The following TMEM260 variants were observed in gnomAD, a reference collection of about 807,000 sequenced individuals.
TMEM260 encodes transmembrane protein 260.
TMEM260 carries 82 observed loss-of-function variants against 88.9 expected under a neutral mutation model. The ratio of observed to expected loss-of-function variants is 0.92; its 90% confidence interval spans 0.77 to 1.11. The LOEUF is 1.11. Ranked by LOEUF, TMEM260 falls within the 50% of genes least tolerant of loss-of-function variation. The pLI, the probability that TMEM260 is intolerant of heterozygous loss-of-function variation, is 0.00. For missense variants in TMEM260, 902 were observed against 853.4 expected (o/e 1.06, Z -0.71); for synonymous variants, 314 against 309.3 (o/e 1.02, Z -0.16).
chr14:56,654,737 C>T (rs990648778), downstream of TMEM260, among the ~76,000 whole-genome samples: 2 of 146,388 alleles, frequency 1.4e-5, no homozygotes, highest in Non-Finnish European at 3.0e-5. Flanking sequence ...TCGCTTGAAC[C>T]CGGGAGGCAG....
downstream of TMEM260, among the ~76,000 whole-genome samples, chr14:56,653,375 A>G (rs1336660651): frequency 6.6e-6 from 1 of 152,066 alleles, no homozygotes; most frequent in Non-Finnish European, 1.5e-5. Flanking sequence ...GTGTAGAGTC[A>G]ATATAAAATA....
chr14:56,590,421 C>G (rs939603356), intron 3 of TMEM260, among the ~76,000 whole-genome samples: 2 of 152,186 alleles, frequency 1.3e-5, no homozygotes, highest in African/African-American at 4.8e-5. Flanking sequence ...GCTTTAAAAG[C>G]TAAGGCAATA....
At chr14:56,627,505 C>T (rs533856877) in intron 12 of TMEM260, among the ~76,000 whole-genome samples, 26 of 152,218 alleles carry the variant, frequency 1.7e-4, no homozygotes, top group African/African-American at 6.0e-4. Context: ...CTAATTTTAA[C>T]TATAATAAAA....
rs142432339 is a variant in TMEM260 at position 56,586,413 on chromosome 14, C to T, written c.344+501C>T. 2.2e-3 allele frequency among the ~76,000 whole-genome samples: 341 copies of T among 152,124 alleles called. 3 individuals carry two copies. Among genetic ancestry groups the T allele is most frequent in the African/African-American group, 7.8e-3 (325 of 41,522 alleles). Reference sequence around the variant, plus strand: ...GGTTTTAGTAAGGTTTCACTCTGCTCCGTTATGGCTGTAGTAAAGGTAGGC... The same window carrying T: ...GGTTTTAGTAAGGTTTCACTCTGCTTCGTTATGGCTGTAGTAAAGGTAGGC... On this transcript the variant is annotated intron_variant, in intron 3 of 15. Coordinates refer to ENST00000261556, the MANE Select transcript of TMEM260 (RefSeq NM_017799.4).
At chr14:56,609,678 A>G (rs77597221) in intron 6 of TMEM260, among the ~76,000 whole-genome samples, 2 of 152,052 alleles carry the variant, frequency 1.3e-5, no homozygotes, top group Admixed American at 1.3e-4. Context: ...ACCACTTCTT[A>G]TTATTATTTA....
At chr14:56,628,784 A>G (rs975265887) in intron 12 of TMEM260, among the ~76,000 whole-genome samples, 2 of 151,936 alleles carry the variant, frequency 1.3e-5, no homozygotes, top group Non-Finnish European at 2.9e-5. Flanking sequence ...ACTATCTCAG[A>G]TCTCTATTTT....
At chr14:56,608,972 G>C in intron 5 of TMEM260, 134 bp from the exon 6 acceptor site, 3 of 931,984 alleles carry the variant, frequency 3.2e-6, no homozygotes, top group Non-Finnish European at 4.9e-6. Context: ...ATAGTATTCT[G>C]TGGTGACTTA....
In TMEM260 at chr14:56,647,706, C is replaced by A; in HGVS notation, c.*209C>A. The A allele has an allele frequency of 1.8e-6, 1 of 541,638 alleles. No individual in the cohort carries two copies. The highest frequency in any genetic ancestry group is 3.1e-6 in the Non-Finnish European group (1 of 317,484). The allele number at this position is 541,638 out of a possible 1,614,324, so 33.6% of individuals were successfully genotyped here. A position where few individuals can be genotyped will look rare whatever the true frequency, so the allele number is the denominator to read the frequency against. On this transcript the variant is annotated 3_prime_UTR_variant, in exon 16 of 16. Coordinates refer to ENST00000261556, the MANE Select transcript of TMEM260 (RefSeq NM_017799.4). Reference sequence around the variant, plus strand: ...CAAAATTCTGTTTATCCCGTGTTACCAAATTACCATTTCAGTGAGAAGCTT... The same window carrying A: ...CAAAATTCTGTTTATCCCGTGTTACAAAATTACCATTTCAGTGAGAAGCTT...
In TMEM260 at chr14:56,598,046, A is replaced by G. The variant is rs183249004; in HGVS notation, c.345-5769A>G. 1.6e-3 allele frequency among the ~76,000 whole-genome samples: 243 copies of G among 152,292 alleles called. 3 individuals carry two copies. Among genetic ancestry groups the G allele is most frequent in the African/African-American group, 5.5e-3 (229 of 41,552 alleles). On this transcript the variant is annotated intron_variant, in intron 3 of 15. Transcript: ENST00000261556. ...AGTTGGTTGGAGATATTTAAGTCCA[A>G]CAGTACAGGAGAGTGCAGTGCTGGG...
chr14:56,601,142 C>A (rs931822266), intron 3 of TMEM260, among the ~76,000 whole-genome samples: 1 of 152,222 alleles, frequency 6.6e-6, no homozygotes. Flanking sequence ...ACTTTACATT[C>A]TTCAATTTTT....
chr14:56,615,739 A>G (rs1311877708), intron 7 of TMEM260: 5 of 517,170 alleles, frequency 9.7e-6, no homozygotes, highest in Admixed American at 3.3e-5. Flanking sequence ...TTGATAACCA[A>G]ATGTTACCAT....
At chr14:56,584,097 T>C (rs1260992790) in intron 1 of TMEM260, among the ~76,000 whole-genome samples, 1 of 151,708 alleles carries the variant, frequency 6.6e-6, no homozygotes, top group Non-Finnish European at 1.5e-5. Context: ...TGAATTGAAG[T>C]AGGATTGGTC....
Position 56,592,435 on chromosome 14 carries a change from A to T in TMEM260, c.344+6523A>T, listed in dbSNP as rs571157127. On this transcript the variant is annotated intron_variant, in intron 3 of 15. Coordinates refer to ENST00000261556, the MANE Select transcript of TMEM260 (RefSeq NM_017799.4). ...AGTACCTGGCACGTGTTAGATACCCAGAACATGTTTGTTGAAAGAATGTTG... is the reference window on the plus strand; with the variant it reads ...AGTACCTGGCACGTGTTAGATACCCTGAACATGTTTGTTGAAAGAATGTTG... 2.0e-5 allele frequency among the ~76,000 whole-genome samples: 3 copies of T among 152,320 alleles called. No homozygotes were observed. The South Asian group carries it at 6.2e-4, about 32-fold the overall frequency.
chr14:56,621,802 A>T, intron 11 of TMEM260, 100 bp downstream of exon 11: 1 of 962,868 alleles, frequency 1.0e-6, no homozygotes, highest in African/African-American at 1.7e-5. Context: ...TACAGTTTTC[A>T]TGATCACTGT....
Position 56,632,999 on chromosome 14 carries a change from G to T in TMEM260, c.1552G>T (p.Glu518Ter), listed in dbSNP as rs1301884416. Residue 518 changes from glutamate to a stop codon, truncating the protein, a stop_gained, in exon 13 of 16, where the codon GAA becomes TAA. Transcript: ENST00000261556. LOFTEE classifies it high-confidence loss of function. Reference sequence around the variant, plus strand: ...GTATTTTTCTGTTTCCAACAGAAAAGAAACATTTGTTTGCATAGGAATTCA... The same window carrying T: ...GTATTTTTCTGTTTCCAACAGAAAATAAACATTTGTTTGCATAGGAATTCA... ...YHFLEVNKQK[E>*]TFVCIGIHEG... The T allele has an allele frequency of 6.2e-7, 1 of 1,613,330 alleles. No individual in the cohort carries two copies. The highest frequency in any genetic ancestry group is 8.5e-7 in the Non-Finnish European group (1 of 1,179,680).
At chr14:56,655,379 T>G (rs142811276), downstream of TMEM260, among the ~76,000 whole-genome samples, 1 of 134,974 alleles carries the variant, frequency 7.4e-6, no homozygotes, top group Non-Finnish European at 1.6e-5. Flanking sequence ...CGAGCAAGAC[T>G]CCATCTCAAA....
At chr14:56,628,513 GAGTTCTAT>G (rs1454942156) in intron 12 of TMEM260, among the ~76,000 whole-genome samples, 1 of 151,966 alleles carries the variant, frequency 6.6e-6, no homozygotes, top group Non-Finnish European at 1.5e-5. Context: ...TTTCTTCTAT[GAGTTCTAT>G]AGTTTTGTTT....
At chr14:56,659,178 G>A in the TMEM260 span, among the ~76,000 whole-genome samples, 1 of 151,980 alleles carries the variant, frequency 6.6e-6, no homozygotes, top group Non-Finnish European at 1.5e-5. Context: ...GGGTAGACAG[G>A]AACTTTCTGA....
chr14:56,639,153 C>T (rs1164083018), intron 15 of TMEM260, among the ~76,000 whole-genome samples: 3 of 152,036 alleles, frequency 2.0e-5, no homozygotes, highest in Non-Finnish European at 1.5e-5. Flanking sequence ...CACCTTAGTG[C>T]AGGGTGGTGG....
Sources: allele counts gnomAD v4.1 joint callset (sites outside exome capture counted in the v4.1 genomes callset), GRCh38; gene constraint gnomAD v4.1.1; transcripts MANE v1.5; gene names NCBI Gene and HGNC (gene_info 2026-07-23, HGNC 2026-07-21).